Variants in HMCES observed in about 807,000 individuals in gnomAD.
HMCES encodes the protein 5-hydroxymethylcytosine binding, ES cell specific.
HMCES carries 27 observed loss-of-function variants against 35.1 expected under a neutral mutation model. That is an observed-to-expected ratio of 0.77 (90% CI 0.57 to 1.06). HMCES has a LOEUF of 1.06. Among genes scored for constraint, HMCES ranks in the 50% least tolerant of loss-of-function variants. HMCES has a pLI of 0.00. For missense variants in HMCES, 391 were observed against 430.4 expected, an observed-to-expected ratio of 0.91 and a Z score of 0.81; for synonymous variants, 130 against 154.7, an observed-to-expected ratio of 0.84 and a Z score of 1.18.
rs59474207 is a variant in HMCES, at chr3:129,304,699, G to C, written c.939G>C (p.Gln313His). Residue 313 changes from glutamine to histidine, a missense_variant, in exon 7 of 7, where the codon CAG (glutamine) becomes CAC (histidine). By Grantham distance (24) the Gln-to-His change is conservative. Transcript: ENST00000383463. ...TPQKEESDVPQWSSQFLQKSP... is the reference protein window; with the variant it reads ...TPQKEESDVPHWSSQFLQKSP... ...AAAAGGAAGAGTCAGATGTTCCCCAGTGGTCCAGTCAGTTCCTGCAGAAGA... is the reference window on the plus strand; with the variant it reads ...AAAAGGAAGAGTCAGATGTTCCCCACTGGTCCAGTCAGTTCCTGCAGAAGA... 13 of 1,614,064 alleles carry C rather than the reference G, an allele frequency of 8.1e-6. No homozygotes were observed. In the African/African-American group the frequency reaches 1.6e-4, roughly 20 times the overall value.
At chr3:129,284,892 A>G (rs1198585853) in intron 2 of HMCES, among the ~76,000 whole-genome samples, 1 of 152,228 alleles carries the variant, frequency 6.6e-6, no homozygotes, top group African/African-American at 2.4e-5. Flanking sequence ...AGCCTGGGCA[A>G]CAGAGCGAGA....
chr3:129,305,490 C>T lies in HMCES; in HGVS notation c.*665C>T, dbSNP rs1233042595. 2 of 152,142 alleles carry T rather than the reference C, an allele frequency of 1.3e-5. No homozygotes were observed. Among genetic ancestry groups the T allele is most frequent in the African/African-American group, 4.8e-5 (2 of 41,406 alleles). The allele number at this position is 152,142 out of a possible 1,614,324, so 9.4% of individuals were successfully genotyped here. On this transcript the variant is annotated 3_prime_UTR_variant, in exon 7 of 7. Transcript: ENST00000383463. ...TTCATTCTTGATACTTGGAAGTCGT[C>T]TGAATCCTTTAGCTTCAAACCAGCC...
chr3:129,303,342 C>T (rs2071194007), intron 6 of HMCES, among the ~76,000 whole-genome samples: 1 of 152,196 alleles, frequency 6.6e-6, no homozygotes. Context: ...AGCTGTCCCC[C>T]TCTCTATTTT....
intron 2 of HMCES, among the ~76,000 whole-genome samples, chr3:129,282,593 A>C (rs1940527752): frequency 6.6e-6 from 1 of 152,202 alleles, no homozygotes; most frequent in Non-Finnish European, 1.5e-5. Context: ...TCACATCTCT[A>C]ACAAGTTTTA....
intron 3 of HMCES, among the ~76,000 whole-genome samples, chr3:129,289,403 G>C (rs73862879): frequency 0.066 from 10,112 of 152,242 alleles, 1,086 homozygotes; most frequent in African/African-American, 0.23. Flanking sequence ...CCAGGCTTCT[G>C]TTACGGTGAC....
intron 4 of HMCES, among the ~76,000 whole-genome samples, chr3:129,295,759 C>T (rs1443273943): frequency 6.6e-6 from 1 of 152,148 alleles, no homozygotes; most frequent in Non-Finnish European, 1.5e-5. Flanking sequence ...ACCACCTTCC[C>T]CTCCACCTCC....
intron 4 of HMCES, among the ~76,000 whole-genome samples, chr3:129,292,719 T>C (rs1400022455): frequency 6.6e-6 from 1 of 151,846 alleles, no homozygotes; most frequent in Non-Finnish European, 1.5e-5. Context: ...CTCCTGACCT[T>C]GTGATCCACC....
At chr3:129,299,963 T>A (rs1000000572) in intron 5 of HMCES, among the ~76,000 whole-genome samples, 1 of 148,352 alleles carries the variant, frequency 6.7e-6, no homozygotes, top group Non-Finnish European at 1.5e-5. Flanking sequence ...GCCATGGTCA[T>A]TTTTTTTTTG....
intron 2 of HMCES, among the ~76,000 whole-genome samples, chr3:129,282,642 A>T (rs1242194590): frequency 6.6e-6 from 1 of 152,220 alleles, no homozygotes; most frequent in Admixed American, 6.5e-5. Context: ...ATAATATTTG[A>T]TATCTCATTT....
At chr3:129,295,420 C>T (rs2071080400) in intron 4 of HMCES, among the ~76,000 whole-genome samples, 1 of 146,038 alleles carries the variant, frequency 6.8e-6, no homozygotes, top group Non-Finnish European at 1.5e-5. Context: ...CTAGGTGACA[C>T]AGTGAGACTC....
intron 2 of HMCES, among the ~76,000 whole-genome samples, chr3:129,284,731 A>G (rs187658305): frequency 2.0e-5 from 3 of 152,178 alleles, no homozygotes; most frequent in Non-Finnish European, 4.4e-5. Context: ...TAACCAACAT[A>G]GTGAAACCCT....
chr3:129,290,282 A>G (rs911692073), intron 3 of HMCES, among the ~76,000 whole-genome samples: 5 of 150,412 alleles, frequency 3.3e-5, no homozygotes, highest in Non-Finnish European at 4.4e-5. Context: ...TTATGTATTT[A>G]TTTGTTTGTT....
Position 129,294,965 on chromosome 3 carries a change from G to C in HMCES, c.454-3389G>C, listed in dbSNP as rs143804028. ...CAGGTCAGGAAATCGAGACCATCTTGGCTAACACGGTGAAACCCCATCTCT... is the reference window on the plus strand; with the variant it reads ...CAGGTCAGGAAATCGAGACCATCTTCGCTAACACGGTGAAACCCCATCTCT... On this transcript the variant is annotated intron_variant, in intron 4 of 6. Transcript: ENST00000383463. Among the ~76,000 whole-genome samples, 897 of 152,058 alleles carry C rather than the reference G, an allele frequency of 5.9e-3. 4 individuals are homozygous for C. The highest frequency in any genetic ancestry group is 0.01 in the Admixed American group (156 of 15,276).
At chr3:129,284,674 A>G (rs2107686448) in intron 2 of HMCES, among the ~76,000 whole-genome samples, 1 of 152,276 alleles carries the variant, frequency 6.6e-6, no homozygotes, top group East Asian at 1.9e-4. Flanking sequence ...GGAGGCTGGG[A>G]GGCTGAGGCA....
chr3:129,287,267 G>C (rs1057470625), intron 2 of HMCES, among the ~76,000 whole-genome samples: 20 of 151,958 alleles, frequency 1.3e-4, no homozygotes, highest in Admixed American at 1.2e-3. Context: ...CCGTGGTCCA[G>C]GTTGGAGTGC....
intron 2 of HMCES, among the ~76,000 whole-genome samples, chr3:129,281,005 C>T (rs546618291): frequency 3.3e-4 from 50 of 152,034 alleles, no homozygotes; most frequent in African/African-American, 1.1e-3. Context: ...GGGCGGATCA[C>T]GAGGTCAAGA....
rs1183461289 is a variant in HMCES at position 129,279,413 on chromosome 3, C to T, written c.-23-297C>T. On this transcript the variant is annotated intron_variant, in intron 1 of 6. Coordinates refer to ENST00000383463, the MANE Select transcript of HMCES (RefSeq NM_020187.3). The surrounding 1 kb of genome is among the most constrained non-coding windows in gnomAD (Gnocchi z 4.2). ...GGCGACCCCAGCTAGCTGCGCTTGC[C>T]CTGCTTCGCTGGACTGTGAAGCCCC... is the stretch of plus-strand genomic sequence containing the variant. Among the ~76,000 whole-genome samples the T allele has an allele frequency of 6.6e-6, 1 of 152,234 alleles. No homozygotes were observed. Among genetic ancestry groups the T allele is most frequent in the Non-Finnish European group, 1.5e-5 (1 of 68,044 alleles).
At chr3:129,300,783 CA>C (rs2071153375) in intron 5 of HMCES, among the ~76,000 whole-genome samples, 2 of 152,080 alleles carry the variant, frequency 1.3e-5, no homozygotes, top group Non-Finnish European at 2.9e-5. Flanking sequence ...GTAATCCCAG[CA>C]CTTTGGGAGG....
chr3:129,290,339 C>T (rs1237144631), intron 3 of HMCES, among the ~76,000 whole-genome samples: 2 of 151,992 alleles, frequency 1.3e-5, no homozygotes, highest in African/African-American at 4.8e-5. Flanking sequence ...GGCTGGAGTG[C>T]AGTGGCATGA....
Sources: gnomAD v4.1 joint callset for allele counts (sites outside exome capture counted in the v4.1 genomes callset) on GRCh38, gnomAD v4.1.1 for gene constraint, Gnocchi (gnomAD v3.1) non-coding constraint, MANE v1.5 for transcripts, NCBI Gene and HGNC (gene_info 2026-07-23, HGNC 2026-07-21) for gene names.